ITPR1: variants seen among roughly 807,000 people sequenced by gnomAD.
The protein encoded by ITPR1 is inositol 1,4,5-trisphosphate receptor type 1.
ITPR1 carries 96 observed loss-of-function variants against 318.4 expected under a neutral mutation model. That is an observed-to-expected ratio of 0.30 (90% CI 0.26 to 0.36). The LOEUF (loss-of-function observed/expected upper bound fraction) is 0.36. ITPR1 is among the 10% of genes least tolerant of loss of function. ITPR1 has a pLI of 1.00. For missense variants in ITPR1, 2,440 were observed against 3,460.2 expected (o/e 0.71, Z 7.40); for synonymous variants, 1,312 against 1,289.9 (o/e 1.02, Z -0.37).
chr3:4,733,009 C>A (rs1365366932), intron 42 of ITPR1, 79 bp from the exon 43 acceptor site: 2 of 1,404,756 alleles, frequency 1.4e-6, no homozygotes, highest in African/African-American at 2.8e-5. Flanking sequence ...TAACTGAGTA[C>A]CCCTGTGTGT....
At chr3:4,609,019 A>AAC (rs2091898512) in intron 4 of ITPR1, among the ~76,000 whole-genome samples, 1 of 137,334 alleles carries the variant, frequency 7.3e-6, no homozygotes, top group Non-Finnish European at 1.6e-5. Context: ...AAAAAAAAAA[A>AAC]AAAAAACAAA....
At chr3:4,592,723 T>C (rs754442523) in intron 4 of ITPR1, among the ~76,000 whole-genome samples, 16 of 152,278 alleles carry the variant, frequency 1.1e-4, no homozygotes, top group South Asian at 2.1e-4. Flanking sequence ...TTTAGCTGTG[T>C]TAGTGGAAGG....
intron 42 of ITPR1, among the ~76,000 whole-genome samples, chr3:4,729,495 G>A (rs957316820): frequency 2.0e-5 from 3 of 152,210 alleles, no homozygotes; most frequent in Non-Finnish European, 4.4e-5. Context: ...CTTGCCTGAA[G>A]CACATGATTT....
rs377628653 is a variant in ITPR1 at position 4,717,131 on chromosome 3, T to G, written c.5104-236T>G. ...ACATGTGGTTAAGTGACCTGCGAGGTCTGATGCCTGATATGTGAATAAAGC... is the reference window on the plus strand; with the variant it reads ...ACATGTGGTTAAGTGACCTGCGAGGGCTGATGCCTGATATGTGAATAAAGC... On this transcript the variant is annotated intron_variant, in intron 39 of 61. Coordinates refer to ENST00000649015, the MANE Select transcript of ITPR1 (RefSeq NM_001378452.1). Among the ~76,000 whole-genome samples, 23 of 152,298 alleles carry G rather than the reference T, an allele frequency of 1.5e-4. No homozygotes were observed. In the East Asian group the frequency reaches 4.3e-3, roughly 28 times the overall value.
At chr3:4,627,572 C>T (rs149111964) in intron 4 of ITPR1, among the ~76,000 whole-genome samples, 191 bp from the exon 5 acceptor site, 18 of 152,314 alleles carry the variant, frequency 1.2e-4, no homozygotes, top group Admixed American at 9.8e-4. Flanking sequence ...TTTCTTTAAG[C>T]CTTGGTTTCC....
At chr3:4,635,516 A>G (rs150396571) in intron 5 of ITPR1, among the ~76,000 whole-genome samples, 5,006 of 146,794 alleles carry the variant, frequency 0.034, 130 homozygotes, top group Non-Finnish European at 0.047. Flanking sequence ...AATTTTTTGT[A>G]TTTTTTTTTT....
intron 39 of ITPR1, among the ~76,000 whole-genome samples, chr3:4,714,123 C>G (rs1466384167): frequency 6.6e-6 from 1 of 152,140 alleles, no homozygotes; most frequent in Non-Finnish European, 1.5e-5. Context: ...TTTGAAGATG[C>G]TTTTTGATGG....
At chr3:4,803,015 G>A (rs563860373) in intron 54 of ITPR1, among the ~76,000 whole-genome samples, 1 of 152,244 alleles carries the variant, frequency 6.6e-6, no homozygotes, top group African/African-American at 2.4e-5. Flanking sequence ...GGTTTAATTG[G>A]CTTGAGGTTT....
Position 4,663,049 on chromosome 3 carries a change from C to G in ITPR1, c.1413-16C>G. On this transcript the variant is annotated splice_polypyrimidine_tract_variant and intron_variant, in intron 15 of 61. Transcript: ENST00000649015. ...CACTGAACACATCTGTCTCTAATAG[C>G]GTCTTTCCTCCTAAGGTCTGTAACC... The G allele has an allele frequency of 6.2e-7, 1 of 1,612,118 alleles. No homozygotes were observed. Among genetic ancestry groups the G allele is most frequent in the East Asian group, 2.2e-5 (1 of 44,832 alleles).
intron 4 of ITPR1, among the ~76,000 whole-genome samples, chr3:4,536,629 T>G (rs1001846301): frequency 5.9e-5 from 9 of 152,224 alleles, no homozygotes; most frequent in African/African-American, 2.2e-4. Flanking sequence ...AGATGAGCTT[T>G]TAGTCCCCTG....
intron 54 of ITPR1, among the ~76,000 whole-genome samples, chr3:4,803,133 C>T (rs771519713): frequency 5.3e-5 from 8 of 152,142 alleles, no homozygotes; most frequent in African/African-American, 1.4e-4. Context: ...CAGGAGGAAG[C>T]GGATGGGGAG....
At chr3:4,709,186 TGACCC>T (rs1208194060) in intron 37 of ITPR1, among the ~76,000 whole-genome samples, 1 of 152,170 alleles carries the variant, frequency 6.6e-6, no homozygotes, top group African/African-American at 2.4e-5. Flanking sequence ...TTTGCAGAAA[TGACCC>T]TTTTTTGACT....
At chr3:4,684,086 A>G (rs1268234378) in intron 28 of ITPR1, among the ~76,000 whole-genome samples, 195 bp from the exon 29 acceptor site, 1 of 152,234 alleles carries the variant, frequency 6.6e-6, no homozygotes, top group Non-Finnish European at 1.5e-5. Flanking sequence ...TTCTCTAGGC[A>G]TGGCCCAGCC....
intron 13 of ITPR1, 29 bp from the exon 14 acceptor site, chr3:4,660,959 C>G: frequency 8.4e-7 from 1 of 1,188,528 alleles, no homozygotes; most frequent in Non-Finnish European, 1.2e-6. Flanking sequence ...ATATTTATTT[C>G]CCTAAAACCC....
chr3:4,675,093 T>C lies in ITPR1; in HGVS notation c.2624T>C (p.Ile875Thr). The change falls in exon 23 of 62, where the codon ATA (isoleucine) becomes ACA (threonine). Residue 875 changes from isoleucine (I) to threonine (T), a missense_variant. Ile to Thr is a moderately conservative substitution (Grantham distance 89). Around this residue, in one of 23 missense-constraint regions of ITPR1, gnomAD observed 478 missense variants for 696.3 expected, o/e 0.69. Transcript: ENST00000649015. The stretch of plus-strand genomic sequence containing the variant: ...GTTGTAAATTTAGCTAGGAATCTCA[T>C]ATACTTTGGTTTCTACAACTTCTCT... ...FEVVNLARNL[I>T]YFGFYNFSDL... 6.3e-7 allele frequency: 1 copy of C among 1,584,628 alleles called. No homozygotes were observed.
At chr3:4,717,831 C>G (rs2041882088) in intron 40 of ITPR1, among the ~76,000 whole-genome samples, 1 of 152,156 alleles carries the variant, frequency 6.6e-6, no homozygotes, top group South Asian at 2.1e-4. Flanking sequence ...ACTCATTACC[C>G]TCTTGGTCTA....
intron 18 of ITPR1, among the ~76,000 whole-genome samples, chr3:4,668,327 G>A (rs1258274683): frequency 6.8e-6 from 1 of 146,140 alleles, no homozygotes; most frequent in Non-Finnish European, 1.5e-5. Context: ...GAGTTCAATT[G>A]TTTTGATTTT....
chr3:4,647,965 A>G (rs1264091509), intron 10 of ITPR1, among the ~76,000 whole-genome samples: 1 of 152,162 alleles, frequency 6.6e-6, no homozygotes, highest in African/African-American at 2.4e-5. Flanking sequence ...CAGCCTGACC[A>G]ACATGGAGAA....
intron 4 of ITPR1, among the ~76,000 whole-genome samples, chr3:4,588,729 A>G (rs2090134292): frequency 6.6e-6 from 1 of 152,036 alleles, no homozygotes; most frequent in Admixed American, 6.6e-5. Flanking sequence ...AATGGACTTC[A>G]CAGGCATACT....
Sources: allele counts gnomAD v4.1 joint callset (sites outside exome capture counted in the v4.1 genomes callset), GRCh38; gene constraint gnomAD v4.1.1; regional missense constraint gnomAD v4.1.1; transcripts MANE v1.5; gene names NCBI Gene and HGNC (gene_info 2026-07-23, HGNC 2026-07-21).